The following PKIB variants were observed in gnomAD, a reference collection of about 807,000 sequenced individuals.
The protein encoded by PKIB is cAMP-dependent protein kinase inhibitor beta, also known as PKI-beta.
PKIB carries 2 observed loss-of-function variants against 4.5 expected under a neutral mutation model. The ratio of observed to expected loss-of-function variants is 0.44; its 90% CI spans 0.18 to 1.39. PKIB has a LOEUF of 1.39. PKIB is among the 40% of genes most tolerant of loss of function. The pLI, the probability that PKIB is intolerant of heterozygous loss-of-function variation, is 0.27. For synonymous variants in PKIB, 38 were observed against 36.0 expected, an observed-to-expected ratio of 1.06 and a Z score of -0.20; for missense variants, 94 against 92.6, an observed-to-expected ratio of 1.02 and a Z score of -0.06.
intron 2 of PKIB, among the ~76,000 whole-genome samples, chr6:122,497,291 C>G (rs1332928000): frequency 6.6e-6 from 1 of 152,160 alleles, no homozygotes; most frequent in Non-Finnish European, 1.5e-5. Flanking sequence ...ATATAGCCCA[C>G]AGAACCTATA....
chr6:122,666,998 T>C (rs2114931480), intron 2 of PKIB, among the ~76,000 whole-genome samples: 1 of 152,216 alleles, frequency 6.6e-6, no homozygotes, highest in South Asian at 2.1e-4. Context: ...GAATGTTTAA[T>C]GCATCTAGAA....
chr6:122,483,500 T>TC (rs1461667335), intron 2 of PKIB: 1 of 151,846 alleles, frequency 6.6e-6, no homozygotes. Context: ...CTAAATTAAA[T>TC]TGACAAAAGG....
intron 3 of PKIB, among the ~76,000 whole-genome samples, chr6:122,710,724 C>T (rs572847784): frequency 4.9e-4 from 74 of 152,288 alleles, no homozygotes; most frequent in African/African-American, 1.7e-3. Context: ...CATGGGAAGA[C>T]CTTACTTACT....
intron 2 of PKIB, among the ~76,000 whole-genome samples, chr6:122,663,677 T>A (rs538562661): frequency 6.6e-6 from 1 of 152,332 alleles, no homozygotes; most frequent in South Asian, 2.1e-4. Flanking sequence ...GTCTTTACGT[T>A]GTCTTCCCTC....
chr6:122,688,573 A>T (rs570269466), intron 3 of PKIB, among the ~76,000 whole-genome samples: 1 of 151,962 alleles, frequency 6.6e-6, no homozygotes, highest in Non-Finnish European at 1.5e-5. Flanking sequence ...CAGTGAAGCC[A>T]TTGGGTCTCA....
intron 2 of PKIB, among the ~76,000 whole-genome samples, chr6:122,668,077 A>G (rs1439358430): frequency 2.6e-5 from 4 of 152,248 alleles, no homozygotes; most frequent in Non-Finnish European, 4.4e-5. Flanking sequence ...CTTGGTGTAC[A>G]GCAATCTTTG....
intron 3 of PKIB, among the ~76,000 whole-genome samples, chr6:122,604,038 G>C (rs1047264899): frequency 6.6e-6 from 1 of 152,122 alleles, no homozygotes; most frequent in African/African-American, 2.4e-5. Context: ...ATATTTATTA[G>C]ATACCAACTC....
chr6:122,644,307 A>G (rs1776230968), intron 2 of PKIB: 1 of 152,188 alleles, frequency 6.6e-6, no homozygotes, highest in Non-Finnish European at 1.5e-5. Flanking sequence ...TGACCAGATG[A>G]TTTTATGGAA....
chr6:122,529,147 T>C (rs1777179024), intron 2 of PKIB, among the ~76,000 whole-genome samples: 1 of 152,216 alleles, frequency 6.6e-6, no homozygotes, highest in Admixed American at 6.5e-5. Context: ...CTCCTTTCTC[T>C]CTGCTTTTGT....
chr6:122,591,292 G>A (rs540819476), intron 3 of PKIB, among the ~76,000 whole-genome samples: 1 of 151,862 alleles, frequency 6.6e-6, no homozygotes, highest in Non-Finnish European at 1.5e-5. Flanking sequence ...ATGAATAACT[G>A]AAGGGCTACT....
At chr6:122,517,410 T>C (rs1776794694) in intron 2 of PKIB, among the ~76,000 whole-genome samples, 1 of 152,204 alleles carries the variant, frequency 6.6e-6, no homozygotes, top group Non-Finnish European at 1.5e-5. Flanking sequence ...TACTGTGCAC[T>C]AAACGATAGG....
intron 3 of PKIB, among the ~76,000 whole-genome samples, chr6:122,712,318 A>T (rs1316445797): frequency 1.3e-5 from 2 of 152,228 alleles, no homozygotes; most frequent in Non-Finnish European, 2.9e-5. Context: ...TGACTGAATG[A>T]ATAAATAATG....
chr6:122,666,482 T>C (rs879860850), intron 2 of PKIB, among the ~76,000 whole-genome samples: 4 of 152,222 alleles, frequency 2.6e-5, no homozygotes, highest in Non-Finnish European at 5.9e-5. Flanking sequence ...TTTTTGTTTT[T>C]GTTTTTGTTT....
At chr6:122,574,747 C>T (rs1773477535) in intron 2 of PKIB, among the ~76,000 whole-genome samples, 1 of 152,114 alleles carries the variant, frequency 6.6e-6, no homozygotes, top group South Asian at 2.1e-4. Flanking sequence ...CAAAAATCAA[C>T]TCAAGATCAA....
chr6:122,706,111 G>C (rs1328922807), intron 3 of PKIB, among the ~76,000 whole-genome samples: 3 of 152,018 alleles, frequency 2.0e-5, no homozygotes, highest in African/African-American at 7.2e-5. Flanking sequence ...ATATTTCTCT[G>C]GCTTAGTAAG....
At chr6:122,685,937 A>G (rs1001424515) in intron 3 of PKIB, among the ~76,000 whole-genome samples, 1 of 152,156 alleles carries the variant, frequency 6.6e-6, no homozygotes, top group Non-Finnish European at 1.5e-5. Context: ...GCTTATTTCA[A>G]TTAACATAAT....
intron 2 of PKIB, among the ~76,000 whole-genome samples, chr6:122,521,694 T>G (rs948433574): frequency 5.9e-5 from 9 of 151,802 alleles, no homozygotes; most frequent in African/African-American, 2.2e-4. Context: ...AAAATAATAA[T>G]AATAATAAAA....
At chr6:122,524,393 C>T (rs1292970717) in intron 2 of PKIB, among the ~76,000 whole-genome samples, 1 of 151,566 alleles carries the variant, frequency 6.6e-6, no homozygotes, top group African/African-American at 2.4e-5. Flanking sequence ...CCTTCCTTTT[C>T]TTCTCCTTCC....
intron 2 of PKIB, among the ~76,000 whole-genome samples, chr6:122,511,481 C>G (rs1776582857): frequency 6.6e-6 from 1 of 152,128 alleles, no homozygotes; most frequent in Admixed American, 6.5e-5. Flanking sequence ...GTCCATCGGT[C>G]CTCCATTTCA....
Sources: allele counts gnomAD v4.1 joint callset (sites outside exome capture counted in the v4.1 genomes callset), GRCh38; gene constraint gnomAD v4.1.1; transcripts MANE v1.5; gene names NCBI Gene and HGNC (gene_info 2026-07-23, HGNC 2026-07-21).